MLIP: variants seen among roughly 807,000 people sequenced by gnomAD.
MLIP encodes muscular LMNA-interacting protein.
MLIP carries 79 observed loss-of-function variants against 84.8 expected under a neutral mutation model. The ratio of observed to expected loss-of-function variants is 0.93; its 90% CI spans 0.78 to 1.12. The LOEUF is 1.12. Ranked by LOEUF, MLIP falls within the 50% of genes most tolerant of loss-of-function variation. The pLI is 0.00. For missense variants in MLIP, 1,257 were observed against 1,160.6 expected, an observed-to-expected ratio of 1.08 and a Z score of -1.21; for synonymous variants, 504 against 463.0, an observed-to-expected ratio of 1.09 and a Z score of -1.14.
At chr6:54,242,370 T>C (rs1185082780) in intron 12 of MLIP, among the ~76,000 whole-genome samples, 2 of 152,222 alleles carry the variant, frequency 1.3e-5, no homozygotes, top group Non-Finnish European at 2.9e-5. Flanking sequence ...GGTAACGTTA[T>C]TGAGAGCATG....
intron 1 of MLIP, among the ~76,000 whole-genome samples, chr6:54,057,492 C>T (rs1412505696): frequency 6.6e-6 from 1 of 152,180 alleles, no homozygotes; most frequent in Non-Finnish European, 1.5e-5. Context: ...TGCATATTTG[C>T]ATTCAGGGGG....
chr6:54,121,145 C>A (rs77032873), intron 1 of MLIP, among the ~76,000 whole-genome samples: 1 of 152,138 alleles, frequency 6.6e-6, no homozygotes, highest in Non-Finnish European at 1.5e-5. Context: ...GATGACCCCA[C>A]TGAGGCAGAA....
At chr6:54,196,513 T>C (rs571907078) in intron 10 of MLIP, among the ~76,000 whole-genome samples, 10 of 152,202 alleles carry the variant, frequency 6.6e-5, no homozygotes, top group African/African-American at 2.2e-4. Context: ...AATGACATGA[T>C]CTCATTCCTT....
At chr6:54,105,359 G>A (rs1415754654) in intron 1 of MLIP, among the ~76,000 whole-genome samples, 1 of 152,092 alleles carries the variant, frequency 6.6e-6, no homozygotes, top group African/African-American at 2.4e-5. Context: ...GTTGACATTA[G>A]GTTGATTCCA....
chr6:54,071,907 T>C (rs1280386434), intron 1 of MLIP, among the ~76,000 whole-genome samples: 2 of 152,212 alleles, frequency 1.3e-5, no homozygotes, highest in Admixed American at 6.5e-5. Flanking sequence ...TTGGTGCCTA[T>C]TGCCTCACAA....
rs115739115 is a variant in MLIP at position 54,066,206 on chromosome 6, T to C, written c.63+47115T>C. Among the ~76,000 whole-genome samples the C allele has an allele frequency of 4.9e-3, 493 of 100,266 alleles. 60 individuals are homozygous for C. The highest frequency in any genetic ancestry group is 0.012 in the African/African-American group (469 of 39,250). 65.8% of individuals were successfully genotyped at this position (100,266 alleles called of 152,430 possible). A position where few individuals can be genotyped will look rare whatever the true frequency, so the allele number is the denominator to read the frequency against. Reference sequence around the variant, plus strand: ...AGAATGAATTCCAAAATTTGAATTATTAGGTCAAAGACTTAAACATTTCTA... The same window carrying C: ...AGAATGAATTCCAAAATTTGAATTACTAGGTCAAAGACTTAAACATTTCTA... On this transcript the variant is annotated intron_variant, in intron 1 of 12. Coordinates refer to the MLIP transcript ENST00000274897.
intron 1 of MLIP, among the ~76,000 whole-genome samples, chr6:54,061,090 G>T (rs528311436): frequency 1.8e-4 from 28 of 152,164 alleles, no homozygotes; most frequent in African/African-American, 5.8e-4. Flanking sequence ...CTCCAAAGGG[G>T]TTGAGATATC....
At chr6:54,249,598 G>C (rs1236301224) in intron 12 of MLIP, among the ~76,000 whole-genome samples, 2 of 151,666 alleles carry the variant, frequency 1.3e-5, no homozygotes. Context: ...GTATAGAATT[G>C]TGAGCAGTAA....
chr6:54,141,820 C>T lies in MLIP; in HGVS notation c.2217+3534C>T, dbSNP rs544858147. Among the ~76,000 whole-genome samples, 517 of 152,310 alleles carry T rather than the reference C, an allele frequency of 3.4e-3. 1 individual carries two copies. Among genetic ancestry groups the T allele is most frequent in the Admixed American group, 5.6e-3 (86 of 15,292 alleles). On this transcript the variant is annotated intron_variant, in intron 4 of 13. Coordinates refer to ENST00000502396, the MANE Select transcript of MLIP (RefSeq NM_001281747.2). ...CATCAAAGCCTCGTAGAGTCTGCCA[C>T]TTACCGAAGACAGTCTGAAGATTAG...
At chr6:54,090,272 C>G (rs1014617754) in intron 1 of MLIP, among the ~76,000 whole-genome samples, 2 of 152,102 alleles carry the variant, frequency 1.3e-5, no homozygotes, top group African/African-American at 4.8e-5. Flanking sequence ...AATGCCCAGA[C>G]AGCTGTATGG....
upstream of MLIP, among the ~76,000 whole-genome samples, chr6:54,110,791 G>A (rs1769393672): frequency 6.6e-6 from 1 of 152,214 alleles, no homozygotes; most frequent in Non-Finnish European, 1.5e-5. Flanking sequence ...CACATATGAA[G>A]TTTTAAGGTT....
Position 54,019,557 on chromosome 6 carries a change from T to C in MLIP, c.63+466T>C, listed in dbSNP as rs543364116. 8.5e-5 allele frequency among the ~76,000 whole-genome samples: 13 copies of C among 152,340 alleles called. No individual in the cohort carries two copies. In the South Asian group the frequency reaches 2.7e-3, roughly 32 times the overall value. On this transcript the variant is annotated intron_variant, in intron 1 of 12. Transcript: ENST00000274897. Reference sequence around the variant, plus strand: ...GGATAAAGTTTTTTGCCATAGAAGTTATACAAGTAATTTTGCCTTGATACT... The same window carrying C: ...GGATAAAGTTTTTTGCCATAGAAGTCATACAAGTAATTTTGCCTTGATACT...
In MLIP at chr6:54,136,962, T is replaced by C; in HGVS notation, c.893T>C (p.Leu298Pro). Reference sequence around the variant, plus strand: ...TCGAAGGGCACCTCCTCGACGTTACTGTTTCCCCATTCCACTCAACTATCA... The same window carrying C: ...TCGAAGGGCACCTCCTCGACGTTACCGTTTCCCCATTCCACTCAACTATCA... ...SASKGTSSTL[L>P]FPHSTQLSGS... Residue 298 changes from leucine to proline, a missense_variant, in exon 4 of 14, where the codon CTG becomes CCG. Physicochemically the swap from Leu to Pro is moderately conservative, Grantham distance 98 (BLOSUM62 -3). Coordinates refer to ENST00000502396, the MANE Select transcript of MLIP (RefSeq NM_001281747.2). The C allele has an allele frequency of 6.5e-7, 1 of 1,536,126 alleles. No homozygotes were observed. The highest frequency in any genetic ancestry group is 8.7e-7 in the Non-Finnish European group (1 of 1,146,896).
chr6:54,072,485 T>A (rs1258889866), intron 1 of MLIP, among the ~76,000 whole-genome samples: 1 of 152,140 alleles, frequency 6.6e-6, no homozygotes, highest in South Asian at 2.1e-4. Context: ...GATAGAGGAA[T>A]CCTCCCACTG....
At chr6:54,019,682 A>T (rs1483903337) in intron 1 of MLIP, among the ~76,000 whole-genome samples, 2 of 152,194 alleles carry the variant, frequency 1.3e-5, no homozygotes, top group African/African-American at 4.8e-5. Flanking sequence ...GGCTCATCTG[A>T]TGAGCATAGG....
rs1765625590 is a variant in MLIP, at chr6:54,055,745, G to T, written c.63+36654G>T. Among the ~76,000 whole-genome samples, 3 of 152,064 alleles carry T rather than the reference G, an allele frequency of 2.0e-5. No homozygotes were observed. The South Asian group carries it at 6.2e-4, about 32-fold the overall frequency. ...ATATTCAAAGGTGATCAGTAGCATGGAGAAAAATTAAATGGGGAATATTGG... is the reference window on the plus strand; with the variant it reads ...ATATTCAAAGGTGATCAGTAGCATGTAGAAAAATTAAATGGGGAATATTGG... On this transcript the variant is annotated intron_variant, in intron 1 of 12. Transcript: ENST00000274897.
chr6:54,212,108 C>T (rs373693270), intron 11 of MLIP, among the ~76,000 whole-genome samples: 27 of 152,228 alleles, frequency 1.8e-4, no homozygotes, highest in Admixed American at 7.2e-4. Flanking sequence ...CCAGATATAT[C>T]GGCAAAATTA....
At chr6:54,023,120 T>C (rs1211684220) in intron 1 of MLIP, among the ~76,000 whole-genome samples, 1 of 151,492 alleles carries the variant, frequency 6.6e-6, no homozygotes, top group Non-Finnish European at 1.5e-5. Context: ...TGAGCTGAGA[T>C]TGCGCCACTG....
chr6:54,147,887 G>T (rs574291789), intron 4 of MLIP, among the ~76,000 whole-genome samples: 232 of 152,176 alleles, frequency 1.5e-3, no homozygotes, highest in Non-Finnish European at 2.7e-3. Flanking sequence ...AGTATACCAA[G>T]AAAAGAAAGA....
Sources: gnomAD v4.1 joint callset for allele counts (sites outside exome capture counted in the v4.1 genomes callset) on GRCh38, gnomAD v4.1.1 for gene constraint, MANE v1.5 for transcripts, NCBI Gene and HGNC (gene_info 2026-07-23, HGNC 2026-07-21) for gene names.